EPB41L4A: variants seen among roughly 807,000 people sequenced by gnomAD.
EPB41L4A encodes the protein band 4.1-like protein 4A.
In EPB41L4A, 100 loss-of-function variants were observed where a neutral mutation model predicts 108.6. That is an observed-to-expected ratio of 0.92 (90% confidence interval 0.78 to 1.09). EPB41L4A has a LOEUF of 1.09. EPB41L4A is among the 50% of genes least tolerant of loss of function. The pLI is 0.00. For missense variants in EPB41L4A, 1,030 were observed against 842.7 expected, an observed-to-expected ratio of 1.22 and a Z score of -2.75; for synonymous variants, 319 against 289.0, an observed-to-expected ratio of 1.10 and a Z score of -1.05.
chr5:112,329,137 T>C (rs1561576392), intron 1 of EPB41L4A, among the ~76,000 whole-genome samples: 2 of 152,210 alleles, frequency 1.3e-5, no homozygotes, highest in East Asian at 1.9e-4. Flanking sequence ...GTACTATAAA[T>C]ATAAAATACA....
intron 1 of EPB41L4A, among the ~76,000 whole-genome samples, chr5:112,387,759 A>G (rs933698365): frequency 6.6e-6 from 1 of 152,224 alleles, no homozygotes; most frequent in Non-Finnish European, 1.5e-5. Flanking sequence ...TCAAATATAC[A>G]TTATCTGTAA....
intron 12 of EPB41L4A, 84 bp from the exon 13 acceptor site, chr5:112,210,066 G>A: frequency 1.3e-6 from 1 of 777,714 alleles, no homozygotes; most frequent in Non-Finnish European, 2.1e-6. Context: ...ATTTTAAAAT[G>A]CAATTTTAGG....
rs1049294193 is a variant in EPB41L4A at position 112,162,767 on chromosome 5, G to A, written c.*2223C>T. On this transcript the variant is annotated 3_prime_UTR_variant, in exon 23 of 23. Coordinates refer to ENST00000261486, the MANE Select transcript of EPB41L4A (RefSeq NM_022140.5). Reference sequence around the variant, plus strand: ...AAAACTTCACTATGAGATGAGTTCCGTGATAGGATTTTCTTAGGGAAACCT... The same window carrying A: ...AAAACTTCACTATGAGATGAGTTCCATGATAGGATTTTCTTAGGGAAACCT... 1.3e-5 allele frequency: 2 copies of A among 152,208 alleles called. No individual in the cohort carries two copies. The highest frequency in any genetic ancestry group is 2.4e-5 in the African/African-American group (1 of 41,434). 9.4% of individuals were successfully genotyped at this position (152,208 alleles called of 1,614,324 possible).
At chr5:112,203,261 C>A (rs920980725) in intron 15 of EPB41L4A, among the ~76,000 whole-genome samples, 2 of 152,050 alleles carry the variant, frequency 1.3e-5, no homozygotes, top group African/African-American at 4.8e-5. Flanking sequence ...GGGGCTGAGG[C>A]AGGAGAATCG....
chr5:112,301,794 A>C (rs1423696645), intron 2 of EPB41L4A, among the ~76,000 whole-genome samples: 5 of 152,178 alleles, frequency 3.3e-5, no homozygotes, highest in Non-Finnish European at 7.4e-5. Flanking sequence ...TTGTATAGTG[A>C]CAACCATGGT....
At chr5:112,182,716 T>C (rs1251105354) in intron 18 of EPB41L4A, among the ~76,000 whole-genome samples, 1 of 152,184 alleles carries the variant, frequency 6.6e-6, no homozygotes, top group African/African-American at 2.4e-5. Flanking sequence ...GACTACGCTG[T>C]ATCTAATCTT....
intron 2 of EPB41L4A, among the ~76,000 whole-genome samples, chr5:112,304,756 C>T (rs1042913700): frequency 6.6e-6 from 1 of 152,178 alleles, no homozygotes; most frequent in African/African-American, 2.4e-5. Flanking sequence ...TTATCATCTA[C>T]AAAGAGCTAT....
At chr5:112,244,643 A>C (rs1750077728) in intron 9 of EPB41L4A, among the ~76,000 whole-genome samples, 1 of 152,146 alleles carries the variant, frequency 6.6e-6, no homozygotes, top group African/African-American at 2.4e-5. Context: ...TGGTCACCCT[A>C]CCGTAATCTT....
chr5:112,303,560 A>T (rs986676775), intron 2 of EPB41L4A, among the ~76,000 whole-genome samples: 5 of 152,202 alleles, frequency 3.3e-5, no homozygotes, highest in Non-Finnish European at 7.4e-5. Flanking sequence ...AGGAATAACT[A>T]GAGAAAACAT....
chr5:112,418,233 C>T (rs1762829757), intron 1 of EPB41L4A, among the ~76,000 whole-genome samples: 1 of 152,224 alleles, frequency 6.6e-6, no homozygotes, highest in Admixed American at 6.5e-5. Flanking sequence ...GTTGTCACTA[C>T]AAACATACGT....
At chr5:112,359,102 G>A (rs952921469) in intron 1 of EPB41L4A, among the ~76,000 whole-genome samples, 5 of 152,134 alleles carry the variant, frequency 3.3e-5, no homozygotes, top group Non-Finnish European at 7.3e-5. Flanking sequence ...CTCTTGATCT[G>A]GATGGTGTTT....
At chr5:112,170,097 T>A (rs1332390542) in intron 20 of EPB41L4A, 2 of 550,226 alleles carry the variant, frequency 3.6e-6, no homozygotes, top group East Asian at 6.6e-5. Flanking sequence ...TACAAAGAGG[T>A]GGCTAATAAG....
At chr5:112,193,415 C>T (rs1344571887) in intron 17 of EPB41L4A, among the ~76,000 whole-genome samples, 3 of 152,226 alleles carry the variant, frequency 2.0e-5, no homozygotes, top group Admixed American at 1.3e-4. Context: ...GATTCTCCTG[C>T]CTCTGCCTCC....
chr5:112,328,933 GT>G (rs1193186792), intron 1 of EPB41L4A, among the ~76,000 whole-genome samples: 2 of 152,228 alleles, frequency 1.3e-5, no homozygotes, highest in Non-Finnish European at 2.9e-5. Flanking sequence ...AAAGTTCATA[GT>G]TTTTCCATTC....
chr5:112,400,950 T>C (rs1355899844), intron 1 of EPB41L4A, among the ~76,000 whole-genome samples: 2 of 152,298 alleles, frequency 1.3e-5, no homozygotes, highest in African/African-American at 2.4e-5. Flanking sequence ...CTTTTAACTA[T>C]ATATGGTCTT....
At chr5:112,180,383 A>C (rs984369044) in intron 18 of EPB41L4A, among the ~76,000 whole-genome samples, 4 of 152,194 alleles carry the variant, frequency 2.6e-5, no homozygotes, top group Non-Finnish European at 1.5e-5. Context: ...AGGGATAGAC[A>C]AATAGATCAA....
intron 1 of EPB41L4A, among the ~76,000 whole-genome samples, chr5:112,323,065 A>G (rs1029372881): frequency 6.6e-6 from 1 of 152,148 alleles, no homozygotes; most frequent in African/African-American, 2.4e-5. Context: ...GTCGTTGCCA[A>G]GAATCCATTC....
At chr5:112,333,005 T>C (rs1047344816) in intron 1 of EPB41L4A, among the ~76,000 whole-genome samples, 1 of 152,200 alleles carries the variant, frequency 6.6e-6, no homozygotes, top group Non-Finnish European at 1.5e-5. Flanking sequence ...TGGGTATTGA[T>C]TTATAAGCAT....
intron 1 of EPB41L4A, among the ~76,000 whole-genome samples, chr5:112,317,970 T>C (rs1280784109): frequency 2.0e-5 from 3 of 152,186 alleles, no homozygotes; most frequent in Admixed American, 1.3e-4. Context: ...TACTCTACTA[T>C]ACTAAAAAAC....
Sources: allele counts gnomAD v4.1 joint callset (sites outside exome capture counted in the v4.1 genomes callset), GRCh38; gene constraint gnomAD v4.1.1; transcripts MANE v1.5; gene names NCBI Gene and HGNC (gene_info 2026-07-23, HGNC 2026-07-21).